The following SPPL3 variants were observed in gnomAD, a reference collection of about 807,000 sequenced individuals.
SPPL3 encodes signal peptide peptidase like 3.
A neutral mutation model predicts 42.4 loss-of-function variants in SPPL3; 5 were observed. That is an observed-to-expected ratio of 0.12 (90% CI 0.06 to 0.25). SPPL3 has a LOEUF of 0.25. Among genes scored for constraint, SPPL3 ranks in the 10% least tolerant of loss-of-function variants. The pLI is 1.00. For synonymous variants in SPPL3, 195 were observed against 181.8 expected, an observed-to-expected ratio of 1.07 and a Z score of -0.58; for missense variants, 235 against 489.0, an observed-to-expected ratio of 0.48 and a Z score of 4.90.
intron 2 of SPPL3, among the ~76,000 whole-genome samples, chr12:120,810,417 T>G (rs1870646589): frequency 6.6e-6 from 1 of 152,248 alleles, no homozygotes; most frequent in Non-Finnish European, 1.5e-5. Context: ...TCTTTGTCAT[T>G]TTATTACATG....
intron 1 of SPPL3, among the ~76,000 whole-genome samples, chr12:120,837,817 T>TA (rs1438160710): frequency 1.3e-5 from 2 of 151,534 alleles, no homozygotes; most frequent in Non-Finnish European, 2.9e-5. Flanking sequence ...CTGCAGCTGT[T>TA]ACATACACAC....
At chr12:120,833,850 A>G (rs1871521520) in intron 1 of SPPL3, among the ~76,000 whole-genome samples, 1 of 151,040 alleles carries the variant, frequency 6.6e-6, no homozygotes, top group Non-Finnish European at 1.5e-5. Flanking sequence ...GGTGAGATCC[A>G]TTTTTAATTT....
rs1164272443 is a variant in SPPL3 at position 120,779,820 on chromosome 12, C to CAAAAAAAAAAA, written c.502+2824_502+2834dup. Among the ~76,000 whole-genome samples, 47 of 42,764 alleles carry CAAAAAAAAAAA rather than the reference C, an allele frequency of 1.1e-3. 1 individual carries two copies. Among genetic ancestry groups the CAAAAAAAAAAA allele is most frequent in the African/African-American group, 1.6e-3 (18 of 11,446 alleles). The allele number at this position is 42,764 out of a possible 152,430, so 28.1% of individuals were successfully genotyped here. On this transcript the variant is annotated intron_variant, in intron 6 of 10. Transcript: ENST00000353487. ...CGAAACCTTGTCTCTACTAAAAATA[C>CAAAAAAAAAAA]AAAAAAAAAAAAAAAAAAAAAAAAA...
chr12:120,810,278 G>A (rs992373712), intron 2 of SPPL3, among the ~76,000 whole-genome samples: 4 of 151,956 alleles, frequency 2.6e-5, no homozygotes, highest in African/African-American at 7.3e-5. Flanking sequence ...CACTGTGCCC[G>A]GCCAAAGATT....
intron 2 of SPPL3, among the ~76,000 whole-genome samples, chr12:120,808,140 C>A (rs1870567652): frequency 6.7e-6 from 1 of 149,300 alleles, no homozygotes; most frequent in South Asian, 2.1e-4. Flanking sequence ...CACTCTGATA[C>A]CCAGGCTGGA....
At chr12:120,806,880 A>G (rs1212685172) in intron 2 of SPPL3, among the ~76,000 whole-genome samples, 1 of 148,496 alleles carries the variant, frequency 6.7e-6, no homozygotes, top group Non-Finnish European at 1.5e-5. Context: ...AAAACATAGG[A>G]GAAAATCCTT....
chr12:120,856,400 G>A (rs1007155397), intron 1 of SPPL3, among the ~76,000 whole-genome samples: 10 of 151,798 alleles, frequency 6.6e-5, no homozygotes, highest in Non-Finnish European at 1.5e-5. Context: ...GCCTAGAGGT[G>A]AGGTTAACAT....
intron 1 of SPPL3, among the ~76,000 whole-genome samples, chr12:120,887,043 G>A (rs937961814): frequency 1.3e-5 from 2 of 150,810 alleles, no homozygotes; most frequent in African/African-American, 2.4e-5. Flanking sequence ...GCACGATCTC[G>A]GCTCACTGCA....
intron 1 of SPPL3, among the ~76,000 whole-genome samples, chr12:120,895,749 T>TG (rs1566072625): frequency 7.3e-5 from 11 of 151,562 alleles, no homozygotes; most frequent in Non-Finnish European, 1.6e-4. Flanking sequence ...TCTCACTAAA[T>TG]CCTCACAACG....
intron 2 of SPPL3, among the ~76,000 whole-genome samples, chr12:120,792,590 C>G (rs1221938603): frequency 6.7e-6 from 1 of 148,888 alleles, no homozygotes; most frequent in East Asian, 2.0e-4. Flanking sequence ...GTTCCAGCTA[C>G]TTGGGAGGCT....
rs77135342 is a variant in SPPL3 at position 120,856,617 on chromosome 12, G to A, written c.24-45731C>T. ...GAACGACGGCAGCATTCAGGGCATA[G>A]TTGGTTTGAATCCTCCTGAATTTTC... On this transcript the variant is annotated intron_variant, in intron 1 of 10. Coordinates refer to ENST00000353487, the MANE Select transcript of SPPL3 (RefSeq NM_139015.5). Among the ~76,000 whole-genome samples the A allele has an allele frequency of 3.5e-3, 514 of 147,600 alleles. 3 individuals carry two copies. Among genetic ancestry groups the A allele is most frequent in the African/African-American group, 0.013 (497 of 39,708 alleles).
chr12:120,854,500 T>A (rs936228028), intron 1 of SPPL3, among the ~76,000 whole-genome samples: 8 of 152,220 alleles, frequency 5.3e-5, no homozygotes, highest in Non-Finnish European at 1.2e-4. Flanking sequence ...TGTGACCACC[T>A]TCCTTTTGCA....
intron 1 of SPPL3, among the ~76,000 whole-genome samples, chr12:120,853,144 G>A (rs182504263): frequency 0.02 from 3,061 of 151,896 alleles, 57 homozygotes; most frequent in South Asian, 0.051. Flanking sequence ...TGATCCGCCC[G>A]CCTCAGCCTC....
intron 2 of SPPL3, among the ~76,000 whole-genome samples, chr12:120,792,587 C>A (rs1869955850): frequency 6.6e-6 from 1 of 150,504 alleles, no homozygotes; most frequent in South Asian, 2.1e-4. Flanking sequence ...GTAGTTCCAG[C>A]TACTTGGGAG....
At chr12:120,765,190 G>C (rs924706064) in intron 10 of SPPL3, 120 bp from the exon 11 acceptor site, 6 of 865,066 alleles carry the variant, frequency 6.9e-6, no homozygotes, top group Non-Finnish European at 1.0e-5. Context: ...TATTGGCCAG[G>C]CTGGTCTCAA....
chr12:120,796,859 C>T (rs965386637), intron 2 of SPPL3, among the ~76,000 whole-genome samples: 57 of 152,132 alleles, frequency 3.7e-4, no homozygotes, highest in Non-Finnish European at 1.3e-4. Context: ...ATGATTTCCA[C>T]ATATGCATAC....
rs959657281 is a variant in SPPL3, at chr12:120,789,306, T to G, written c.190+2163A>C. ...CCATCTCTACTAAAAATACAAAAAT[T>G]AGCCAGGTGTGGTGGTGGGTGCCTG... On this transcript the variant is annotated intron_variant, in intron 3 of 10. Transcript: ENST00000353487. 1.1e-4 allele frequency among the ~76,000 whole-genome samples: 16 copies of G among 151,142 alleles called. No homozygotes were observed. The East Asian group carries it at 3.1e-3, about 30-fold the overall frequency.
chr12:120,784,602 G>A lies in SPPL3; in HGVS notation c.191-9C>T, dbSNP rs748320606. ...GTCAATTGTTTGGATGCCTGAAAGA[G>A]AAAAACAGACAGATTAATAACTTAT... On this transcript the variant is annotated splice_polypyrimidine_tract_variant and intron_variant, in intron 3 of 10. Transcript: ENST00000353487. 6 of 1,598,486 alleles carry A rather than the reference G, an allele frequency of 3.8e-6. No homozygotes were observed. In the East Asian group the frequency reaches 1.3e-4, roughly 36 times the overall value.
intron 1 of SPPL3, among the ~76,000 whole-genome samples, chr12:120,875,217 A>C (rs1180841956): frequency 6.6e-6 from 1 of 152,224 alleles, no homozygotes; most frequent in Non-Finnish European, 1.5e-5. Flanking sequence ...TTAAGGCACT[A>C]ATTACTGGTG....
Sources: allele counts gnomAD v4.1 joint callset (sites outside exome capture counted in the v4.1 genomes callset), GRCh38; gene constraint gnomAD v4.1.1; transcripts MANE v1.5; gene names NCBI Gene and HGNC (gene_info 2026-07-23, HGNC 2026-07-21).